Variants in TLE4 observed in about 807,000 individuals in gnomAD.
TLE4 encodes TLE family member 4, transcriptional corepressor, also known as transducin-like enhancer protein 4.
In TLE4, 8 loss-of-function variants were observed where a neutral mutation model predicts 92.8. The observed-to-expected ratio is 0.09, with a 90% CI of 0.05 to 0.16. The LOEUF (loss-of-function observed/expected upper bound fraction) is 0.16, where lower values mean the gene tolerates loss of function less well. TLE4 is among the 10% of genes least tolerant of loss of function. The pLI, the probability that TLE4 is intolerant of heterozygous loss-of-function variation, is 1.00. For synonymous variants in TLE4, 371 were observed against 374.1 expected, an observed-to-expected ratio of 0.99 and a Z score of 0.10; for missense variants, 675 against 997.6, an observed-to-expected ratio of 0.68 and a Z score of 4.36.
intron 8 of TLE4, among the ~76,000 whole-genome samples, chr9:79,694,343 C>T (rs1387721137): frequency 1.3e-5 from 2 of 152,112 alleles, no homozygotes; most frequent in African/African-American, 4.8e-5. Context: ...CTGGACTTAC[C>T]TTTCAACATT....
chr9:79,607,063 C>A (rs921023679), intron 4 of TLE4, among the ~76,000 whole-genome samples: 2 of 152,172 alleles, frequency 1.3e-5, no homozygotes, highest in Non-Finnish European at 2.9e-5. Context: ...TAATGATCCC[C>A]ACTCTAACTG....
chr9:79,682,591 G>C (rs1428806763), intron 8 of TLE4, among the ~76,000 whole-genome samples: 1 of 152,162 alleles, frequency 6.6e-6, no homozygotes, highest in East Asian at 1.9e-4. Context: ...AGGGAGGAAT[G>C]TTCAGGCAGG....
chr9:79,574,010 A>G, intron 2 of TLE4: 1 of 335,220 alleles, frequency 3.0e-6, no homozygotes, highest in Non-Finnish European at 5.4e-6. Flanking sequence ...AGAACAATCG[A>G]AACTGGGGAG....
chr9:79,653,841 G>T lies in TLE4; in HGVS notation c.593-218G>T, dbSNP rs1449574000. ...CAGATAATAAGAATGTCCAGCTTTG[G>T]TTCTTCTGAAATTGTGTCAAAGGTA... On this transcript the variant is annotated intron_variant, in intron 7 of 19. Transcript: ENST00000376552. Among the ~76,000 whole-genome samples, 3 of 152,144 alleles carry T rather than the reference G, an allele frequency of 2.0e-5. No homozygotes were observed. In the East Asian group the frequency reaches 5.8e-4, roughly 29 times the overall value.
chr9:79,679,831 A>G lies in TLE4; in HGVS notation c.610-24952A>G, dbSNP rs377310675. 3.9e-5 allele frequency among the ~76,000 whole-genome samples: 6 copies of G among 152,104 alleles called. No individual in the cohort carries two copies. In the South Asian group the frequency reaches 8.3e-4, roughly 21 times the overall value. Reference sequence around the variant, plus strand: ...AAGGGATCCAGTTTCAGCTTTCTACATATGGCTAGCCAGTTTTCCCAGCAC... The same window carrying G: ...AAGGGATCCAGTTTCAGCTTTCTACGTATGGCTAGCCAGTTTTCCCAGCAC... On this transcript the variant is annotated intron_variant, in intron 8 of 19. Transcript: ENST00000376552.
chr9:79,640,476 A>T (rs1214627491), intron 6 of TLE4, among the ~76,000 whole-genome samples: 1 of 152,018 alleles, frequency 6.6e-6, no homozygotes, highest in African/African-American at 2.4e-5. Context: ...TCTAATCTGA[A>T]AAAAGCTATA....
intron 6 of TLE4, among the ~76,000 whole-genome samples, chr9:79,634,523 A>T (rs1205772764): frequency 6.6e-6 from 1 of 152,170 alleles, no homozygotes; most frequent in Non-Finnish European, 1.5e-5. Flanking sequence ...GCAAAAAGTA[A>T]AATTTACCCT....
At chr9:79,635,089 T>C (rs1302817983) in intron 6 of TLE4, among the ~76,000 whole-genome samples, 2 of 152,174 alleles carry the variant, frequency 1.3e-5, no homozygotes, top group Admixed American at 6.6e-5. Context: ...TTCACTAATA[T>C]ATTACATGTA....
chr9:79,682,694 C>T (rs2064974019), intron 8 of TLE4, among the ~76,000 whole-genome samples: 1 of 152,148 alleles, frequency 6.6e-6, no homozygotes, highest in Non-Finnish European at 1.5e-5. Context: ...CTGAAGTTAT[C>T]AAGTAACAAT....
chr9:79,612,098 G>A (rs1283826918), intron 4 of TLE4, among the ~76,000 whole-genome samples: 1 of 152,016 alleles, frequency 6.6e-6, no homozygotes, highest in East Asian at 1.9e-4. Flanking sequence ...AAAACATTTT[G>A]TTCTCCAAGA....
At chr9:79,672,015 TTTTTTTTTTG>T (rs1310231724) in intron 8 of TLE4, among the ~76,000 whole-genome samples, 1 of 137,428 alleles carries the variant, frequency 7.3e-6, no homozygotes, top group Admixed American at 7.4e-5. Context: ...TTTTTTTTTT[TTTTTTTTTTG>T]CAGAGGTGGT....
chr9:79,709,255 C>CT (rs1478853282), intron 13 of TLE4, among the ~76,000 whole-genome samples: 1 of 151,940 alleles, frequency 6.6e-6, no homozygotes, highest in Admixed American at 6.6e-5. Flanking sequence ...GAAGAAGTTT[C>CT]TTTTTTATTT....
intron 6 of TLE4, among the ~76,000 whole-genome samples, chr9:79,640,030 G>T (rs2056815530): frequency 6.6e-6 from 1 of 152,166 alleles, no homozygotes; most frequent in African/African-American, 2.4e-5. Context: ...GGAGTTGAGT[G>T]TTACTTTGAA....
At chr9:79,647,152 G>T (rs2058226352) in intron 6 of TLE4, among the ~76,000 whole-genome samples, 1 of 152,106 alleles carries the variant, frequency 6.6e-6, no homozygotes, top group Admixed American at 6.5e-5. Flanking sequence ...TCTCTAGTTT[G>T]GTGAATAGCA....
intron 4 of TLE4, among the ~76,000 whole-genome samples, chr9:79,606,835 A>G (rs759809203): frequency 1.3e-5 from 2 of 152,142 alleles, no homozygotes; most frequent in Non-Finnish European, 2.9e-5. Context: ...TGCAGTAAAC[A>G]TATGTGTGCA....
intron 6 of TLE4, among the ~76,000 whole-genome samples, chr9:79,640,120 G>A (rs1379990402): frequency 3.3e-5 from 5 of 152,066 alleles, no homozygotes; most frequent in Non-Finnish European, 7.4e-5. Flanking sequence ...TGGAAATTTG[G>A]AACATAAGTA....
intron 4 of TLE4, among the ~76,000 whole-genome samples, chr9:79,592,149 TTTCTTC>T (rs542229037): frequency 2.7e-4 from 40 of 148,822 alleles, no homozygotes; most frequent in Admixed American, 7.4e-4. Flanking sequence ...TTCTTTCTTC[TTTCTTC>T]TTCTTCTTCT....
chr9:79,636,675 C>T (rs772471672), intron 6 of TLE4, among the ~76,000 whole-genome samples: 2 of 152,238 alleles, frequency 1.3e-5, no homozygotes, highest in South Asian at 4.1e-4. Flanking sequence ...CTCTTTGCTT[C>T]TAATTCATTC....
intron 6 of TLE4, among the ~76,000 whole-genome samples, chr9:79,648,171 GTTGCTT>G (rs1200651798): frequency 6.6e-6 from 1 of 152,156 alleles, no homozygotes; most frequent in Admixed American, 6.5e-5. Flanking sequence ...AAAGGGATCT[GTTGCTT>G]TTGGAACCAG....
Sources: allele counts gnomAD v4.1 joint callset (sites outside exome capture counted in the v4.1 genomes callset), GRCh38; gene constraint gnomAD v4.1.1; transcripts MANE v1.5; gene names NCBI Gene and HGNC (gene_info 2026-07-23, HGNC 2026-07-21).